The following DPP6 variants were observed in gnomAD, a reference collection of about 807,000 sequenced individuals.
DPP6 encodes A-type potassium channel modulatory protein DPP6.
In DPP6, 69 loss-of-function variants were observed where a neutral mutation model predicts 122.6. That is an observed-to-expected ratio of 0.56 (90% CI 0.46 to 0.69). The LOEUF is 0.69. Ranked by LOEUF, DPP6 falls within the 30% of genes least tolerant of loss-of-function variation. DPP6 has a pLI of 0.00. For missense variants in DPP6, 928 were observed against 1,116.9 expected (o/e 0.83, Z 2.41); for synonymous variants, 418 against 433.1 (o/e 0.97, Z 0.43).
At chr7:154,278,553 T>G (rs922869923) in intron 1 of DPP6, among the ~76,000 whole-genome samples, 1 of 152,218 alleles carries the variant, frequency 6.6e-6, no homozygotes, top group Non-Finnish European at 1.5e-5. Flanking sequence ...GAAAAATACA[T>G]GCAAATAAAA....
At chr7:154,220,327 C>A (rs187811933) in intron 1 of DPP6, among the ~76,000 whole-genome samples, 2 of 152,206 alleles carry the variant, frequency 1.3e-5, no homozygotes, top group East Asian at 3.9e-4. Context: ...AACATAGGAA[C>A]ATAAAACCAA....
intron 1 of DPP6, among the ~76,000 whole-genome samples, chr7:154,210,569 A>AT (rs1563321743): frequency 6.6e-6 from 1 of 152,194 alleles, no homozygotes; most frequent in Non-Finnish European, 1.5e-5. Context: ...AACATTAGTT[A>AT]TTTTTATTAT....
At chr7:153,815,219 C>G in the DPP6 span, among the ~76,000 whole-genome samples, 1 of 152,188 alleles carries the variant, frequency 6.6e-6, no homozygotes, top group Non-Finnish European at 1.5e-5. Flanking sequence ...CCCATTGTTT[C>G]AGCCCAAAAT....
intron 1 of DPP6, among the ~76,000 whole-genome samples, chr7:154,429,925 C>T (rs916582576): frequency 6.6e-6 from 1 of 152,198 alleles, no homozygotes. Flanking sequence ...CAGCACAGAG[C>T]GTTCCTGGCC....
intron 1 of DPP6, among the ~76,000 whole-genome samples, chr7:154,375,181 C>T (rs1411836269): frequency 4.6e-5 from 7 of 151,888 alleles, no homozygotes; most frequent in Non-Finnish European, 8.8e-5. Context: ...GACATTTGAG[C>T]GGAGGCTGGC....
intron 1 of DPP6, among the ~76,000 whole-genome samples, chr7:154,408,476 T>TG (rs1311516964): frequency 6.6e-6 from 1 of 152,166 alleles, no homozygotes; most frequent in African/African-American, 2.4e-5. Flanking sequence ...ATTGGAATAA[T>TG]GTTAGATTTA....
intron 10 of DPP6, among the ~76,000 whole-genome samples, chr7:154,783,693 C>T (rs142825032): frequency 6.6e-6 from 1 of 152,320 alleles, no homozygotes; most frequent in African/African-American, 2.4e-5. Flanking sequence ...GAGAGACAGT[C>T]TTACTCGGGG....
chr7:154,078,441 C>A (rs1352129583), intron 1 of DPP6, among the ~76,000 whole-genome samples: 1 of 151,618 alleles, frequency 6.6e-6, no homozygotes, highest in African/African-American at 2.4e-5. Context: ...GAAGATGAAG[C>A]AAGATTCCAA....
chr7:153,901,258 G>A (rs1482852107), intron 1 of DPP6, among the ~76,000 whole-genome samples: 2 of 152,148 alleles, frequency 1.3e-5, no homozygotes, highest in Non-Finnish European at 2.9e-5. Flanking sequence ...TATTCAAAAT[G>A]CTTAGAAATG....
chr7:154,597,389 G>A (rs1833162039), intron 5 of DPP6, among the ~76,000 whole-genome samples: 1 of 151,996 alleles, frequency 6.6e-6, no homozygotes, highest in Admixed American at 6.6e-5. Flanking sequence ...AGATCACAGG[G>A]TCAGGAGATC....
At chr7:153,926,211 C>G (rs1459985805) in intron 1 of DPP6, among the ~76,000 whole-genome samples, 10 of 152,178 alleles carry the variant, frequency 6.6e-5, no homozygotes, top group Non-Finnish European at 1.5e-4. Context: ...TCATGTACAC[C>G]TTTCTATCTT....
chr7:154,703,158 A>G (rs1221993884), intron 7 of DPP6, among the ~76,000 whole-genome samples: 1 of 152,340 alleles, frequency 6.6e-6, no homozygotes, highest in African/African-American at 2.4e-5. Flanking sequence ...AGAAAGAAAG[A>G]TTTCCTTTAA....
the DPP6 span, among the ~76,000 whole-genome samples, chr7:153,847,150 T>C: frequency 3.5e-4 from 54 of 152,368 alleles, no homozygotes; most frequent in African/African-American, 1.3e-3. Flanking sequence ...ATGTTAGAAT[T>C]TCCATTAGTT....
At chr7:153,766,352 T>A in the DPP6 span, among the ~76,000 whole-genome samples, 1 of 152,202 alleles carries the variant, frequency 6.6e-6, no homozygotes, top group African/African-American at 2.4e-5. Context: ...TGCATTGAGT[T>A]TTTGTATTAA....
intron 1 of DPP6, among the ~76,000 whole-genome samples, chr7:154,354,327 G>A (rs1226801317): frequency 6.6e-6 from 1 of 152,170 alleles, no homozygotes; most frequent in African/African-American, 2.4e-5. Flanking sequence ...CCAGTGTGGT[G>A]TTTTATATGC....
rs550509493 is a variant in DPP6 at position 154,507,762 on chromosome 7, C to A, written c.457+32725C>A. On this transcript the variant is annotated intron_variant, in intron 3 of 25. Transcript: ENST00000377770. Reference sequence around the variant, plus strand: ...CCAATCTGTGTCTGAATGTATCGATCAAGTAATAATAGTTCAGTGCTCTTA... The same window carrying A: ...CCAATCTGTGTCTGAATGTATCGATAAAGTAATAATAGTTCAGTGCTCTTA... Among the ~76,000 whole-genome samples, 259 of 152,244 alleles carry A rather than the reference C, an allele frequency of 1.7e-3. 1 individual carries two copies. The highest frequency in any genetic ancestry group is 3.5e-3 in the Admixed American group (53 of 15,288).
Position 154,833,347 on chromosome 7 carries a change from G to A in DPP6, c.1667-20433G>A, listed in dbSNP as rs576371682. Among the ~76,000 whole-genome samples the A allele has an allele frequency of 1.3e-5, 2 of 152,320 alleles. No homozygotes were observed. Among genetic ancestry groups the A allele is most frequent in the East Asian group, 3.9e-4 (2 of 5,186 alleles). ...TAAGGGCTGTAGGAAGCCAAGAAAA[G>A]GAGTGTTTGGTAACTGGTAAAAATG... On this transcript the variant is annotated intron_variant, in intron 16 of 25. Coordinates refer to ENST00000377770, the MANE Select transcript of DPP6 (RefSeq NM_130797.4). This position sits in a 1 kb window ranked among gnomAD's most constrained non-coding sequence, Gnocchi z 4.3.
chr7:154,534,875 A>G (rs1366753842), intron 3 of DPP6, among the ~76,000 whole-genome samples: 1 of 152,140 alleles, frequency 6.6e-6, no homozygotes, highest in Non-Finnish European at 1.5e-5. Context: ...TAAAAAATTT[A>G]TATTGAAATA....
At chr7:154,346,792 T>C (rs1312343532) in intron 1 of DPP6, among the ~76,000 whole-genome samples, 1 of 152,240 alleles carries the variant, frequency 6.6e-6, no homozygotes, top group Admixed American at 6.5e-5. Flanking sequence ...TCACTTATTT[T>C]ACTGCAAAAT....
Sources: gnomAD v4.1 joint callset for allele counts (sites outside exome capture counted in the v4.1 genomes callset) on GRCh38, gnomAD v4.1.1 for gene constraint, Gnocchi (gnomAD v3.1) non-coding constraint, MANE v1.5 for transcripts, NCBI Gene and HGNC (gene_info 2026-07-23, HGNC 2026-07-21) for gene names.